The following DBT variants were observed in gnomAD, a reference collection of about 807,000 sequenced individuals.
DBT encodes dihydrolipoamide branched chain transacylase E2.
In DBT, 40 loss-of-function variants were observed where a neutral mutation model predicts 51.3. That is an observed-to-expected ratio of 0.78 (90% CI 0.61 to 1.02). DBT has a LOEUF of 1.02. DBT is among the 50% of genes least tolerant of loss of function. DBT has a pLI of 0.00. For synonymous variants in DBT, 181 were observed against 190.4 expected, an observed-to-expected ratio of 0.95 and a Z score of 0.41; for missense variants, 510 against 580.2, an observed-to-expected ratio of 0.88 and a Z score of 1.24.
chr1:100,202,919 C>T (rs1661541516), intron 10 of DBT, among the ~76,000 whole-genome samples: 1 of 152,118 alleles, frequency 6.6e-6, no homozygotes, highest in African/African-American at 2.4e-5. Context: ...CTCTGGAACA[C>T]AGCTAAAGTA....
At chr1:100,198,487 TTA>T (rs1181011681) in intron 10 of DBT, among the ~76,000 whole-genome samples, 3 of 152,240 alleles carry the variant, frequency 2.0e-5, no homozygotes, top group Non-Finnish European at 4.4e-5. Context: ...AATGGTCAAT[TTA>T]TGTTTATATA....
chr1:100,186,985 G>A lies in DBT; in HGVS notation c.*9270C>T, dbSNP rs1660596255. On this transcript the variant is annotated 3_prime_UTR_variant, in exon 11 of 11. Transcript: ENST00000370132. Reference sequence around the variant, plus strand: ...ATTGGCCAGAAGTTAGAAGGACATTGGAAATGACTTTTAAATCTCCATTTG... The same window carrying A: ...ATTGGCCAGAAGTTAGAAGGACATTAGAAATGACTTTTAAATCTCCATTTG... The A allele has an allele frequency of 6.6e-6, 1 of 152,052 alleles. No homozygotes were observed. The highest frequency in any genetic ancestry group is 2.4e-5 in the African/African-American group (1 of 41,402). The allele number at this position is 152,052 out of a possible 1,614,324, so 9.4% of individuals were successfully genotyped here.
At chr1:100,221,013 C>T (rs373647445) in intron 4 of DBT, among the ~76,000 whole-genome samples, 36 of 152,244 alleles carry the variant, frequency 2.4e-4, no homozygotes, top group African/African-American at 8.2e-4. Flanking sequence ...GTAGGAACTC[C>T]AATGCTAACT....
intron 4 of DBT, among the ~76,000 whole-genome samples, chr1:100,221,393 C>G (rs1441177029): frequency 2.0e-5 from 3 of 152,114 alleles, no homozygotes; most frequent in Non-Finnish European, 4.4e-5. Flanking sequence ...CTACGTTGCC[C>G]AGGCTGGTCT....
intron 7 of DBT, among the ~76,000 whole-genome samples, chr1:100,212,424 G>C (rs1052711840): frequency 2.6e-5 from 4 of 152,006 alleles, no homozygotes; most frequent in Admixed American, 6.5e-5. Context: ...TGTGGTTCCA[G>C]CTTCTCGGGA....
Position 100,225,052 on chromosome 1 carries a change from TACACACAC to T in DBT, c.433+5673_433+5680del, listed in dbSNP as rs71084808. Among the ~76,000 whole-genome samples, 92 of 79,006 alleles carry T rather than the reference TACACACAC, an allele frequency of 1.2e-3. 8 individuals are homozygous for T. Among genetic ancestry groups the T allele is most frequent in the Middle Eastern group, 0.013 (2 of 156 alleles). 51.8% of individuals were successfully genotyped at this position (79,006 alleles called of 152,430 possible). On this transcript the variant is annotated intron_variant, in intron 4 of 10. Transcript: ENST00000370132. ...AAAAAAAAAAAAAAAAATATATATA[TACACACAC>T]ACACACACACACACACACACACACA...
intron 4 of DBT, among the ~76,000 whole-genome samples, chr1:100,225,847 A>T (rs2100817838): frequency 6.6e-6 from 1 of 151,414 alleles, no homozygotes; most frequent in East Asian, 1.9e-4. Flanking sequence ...AAAAAAAAAA[A>T]ATCAGAAGGC....
Position 100,196,193 on chromosome 1 carries a change from G to T in DBT, c.*62C>A. On this transcript the variant is annotated 3_prime_UTR_variant, in exon 11 of 11. Transcript: ENST00000370132. ...AAATTGTAAAGATGAACATGTGCTGGCACAGCTAGGGTTTACATACTCTTT... is the reference window on the plus strand; with the variant it reads ...AAATTGTAAAGATGAACATGTGCTGTCACAGCTAGGGTTTACATACTCTTT... 2 of 1,327,328 alleles carry T rather than the reference G, an allele frequency of 1.5e-6. No homozygotes were observed. The highest frequency in any genetic ancestry group is 2.2e-6 in the Non-Finnish European group (2 of 919,542). 82.2% of individuals were successfully genotyped at this position (1,327,328 alleles called of 1,614,324 possible). A position where few individuals can be genotyped will look rare whatever the true frequency, so the allele number is the denominator to read the frequency against.
intron 1 of DBT, chr1:100,249,325 C>T (rs1664771821): frequency 4.1e-6 from 1 of 243,062 alleles, no homozygotes; most frequent in South Asian, 5.1e-5. Flanking sequence ...AAGCAGGGAC[C>T]CCTGCTGATA....
intron 3 of DBT, 109 bp from the exon 4 acceptor site, chr1:100,231,023 T>C: frequency 1.4e-6 from 1 of 732,336 alleles, no homozygotes; most frequent in South Asian, 1.5e-5. Flanking sequence ...TAGCCCAGCA[T>C]TTACTTTCAG....
At position 100,228,007 on chromosome 1, in the gene DBT, G is replaced by A. The variant is rs375910978; in HGVS notation, c.433+2726C>T. Among the ~76,000 whole-genome samples the A allele has an allele frequency of 3.3e-5, 5 of 151,804 alleles. No homozygotes were observed. The South Asian group carries it at 6.2e-4, about 19-fold the overall frequency. ...ATTACAGGCATGTGCCACCACACCC[G>A]GCTAATTTTTGTATTTTTAGTAAAC... is the stretch of plus-strand genomic sequence containing the variant. On this transcript the variant is annotated intron_variant, in intron 4 of 10. Coordinates refer to ENST00000370132, the MANE Select transcript of DBT (RefSeq NM_001918.5).
At chr1:100,210,322 T>TAAGAAG (rs537876803) in intron 8 of DBT, among the ~76,000 whole-genome samples, 3 of 63,798 alleles carry the variant, frequency 4.7e-5, no homozygotes, top group Non-Finnish European at 8.9e-5. Flanking sequence ...ATAATAATAA[T>TAAGAAG]AATAAGAAGA....
chr1:100,220,011 G>A (rs549070005), intron 4 of DBT, among the ~76,000 whole-genome samples: 1 of 152,138 alleles, frequency 6.6e-6, no homozygotes, highest in South Asian at 2.1e-4. Flanking sequence ...CAGGTGTGGT[G>A]GTGTGTGCCT....
intron 4 of DBT, among the ~76,000 whole-genome samples, chr1:100,219,611 G>A (rs1316471393): frequency 2.0e-5 from 3 of 151,838 alleles, no homozygotes; most frequent in Non-Finnish European, 4.4e-5. Context: ...AGCTAGGTAC[G>A]ATAGCACACA....
rs1034516244 is a variant in DBT, at chr1:100,188,864, G to A, written c.*7391C>T. 2.0e-5 allele frequency: 3 copies of A among 152,312 alleles called. No individual in the cohort carries two copies. Among genetic ancestry groups the A allele is most frequent in the African/African-American group, 7.2e-5 (3 of 41,446 alleles). The allele number at this position is 152,312 out of a possible 1,614,324, so 9.4% of individuals were successfully genotyped here. A position where few individuals can be genotyped will look rare whatever the true frequency, so the allele number is the denominator to read the frequency against. ...AAATTCTCCTGCTCAGTTTTAGCAA[G>A]CTGGCCTGGAGTTCTCTCACACGGT... On this transcript the variant is annotated 3_prime_UTR_variant, in exon 11 of 11. Coordinates refer to ENST00000370132, the MANE Select transcript of DBT (RefSeq NM_001918.5).
rs775424555 is a variant in DBT, at chr1:100,191,502, G to T, written c.*4753C>A. 6.6e-6 allele frequency: 1 copy of T among 152,026 alleles called. No homozygotes were observed. Among genetic ancestry groups the T allele is most frequent in the African/African-American group, 2.4e-5 (1 of 41,392 alleles). The allele number at this position is 152,026 out of a possible 1,614,324, so 9.4% of individuals were successfully genotyped here. ...ATTTAACACGAACTGAGGTGGGATG[G>T]GGTGGGAAGGCAATGCCTTACTTTA... On this transcript the variant is annotated 3_prime_UTR_variant, in exon 11 of 11. Transcript: ENST00000370132.
At chr1:100,241,741 A>G (rs1427853906) in intron 1 of DBT, among the ~76,000 whole-genome samples, 3 of 152,068 alleles carry the variant, frequency 2.0e-5, no homozygotes, top group East Asian at 1.9e-4. Flanking sequence ...CCATTAGGCC[A>G]GGCGCGGTGG....
chr1:100,220,727 G>C (rs558201184), intron 4 of DBT, among the ~76,000 whole-genome samples: 1 of 152,336 alleles, frequency 6.6e-6, no homozygotes, highest in East Asian at 1.9e-4. Context: ...GGCTCAAGGT[G>C]AGACACCTAA....
At position 100,196,377 on chromosome 1, in the gene DBT, T is replaced by C. The variant is rs778981837; in HGVS notation, c.1327A>G (p.Ile443Val). The change falls in exon 11 of 11, where the codon ATA becomes GTA. Residue 443 changes from isoleucine to valine, a missense_variant. By Grantham distance (29) the Ile-to-Val change is conservative. Coordinates refer to ENST00000370132, the MANE Select transcript of DBT (RefSeq NM_001918.5). Reference protein sequence around the residue: ...NQKGEVYKAQIMNVSWSADHR... With the variant: ...NQKGEVYKAQVMNVSWSADHR... ...TCAGCTGACCAGCTCACATTCATTA[T>C]CTGTGCCTTATATACTTCTCCTTTC... 6.2e-7 allele frequency: 1 copy of C among 1,603,122 alleles called. No homozygotes were observed. Among genetic ancestry groups the C allele is most frequent in the Non-Finnish European group, 8.5e-7 (1 of 1,178,460 alleles).
Sources: gnomAD v4.1 joint callset for allele counts (sites outside exome capture counted in the v4.1 genomes callset) on GRCh38, gnomAD v4.1.1 for gene constraint, MANE v1.5 for transcripts, NCBI Gene and HGNC (gene_info 2026-07-23, HGNC 2026-07-21) for gene names.